EYS: variants seen among roughly 807,000 people sequenced by gnomAD.
The protein encoded by EYS is protein eyes shut homolog.
EYS carries 250 observed loss-of-function variants against 282.1 expected under a neutral mutation model. The ratio of observed to expected loss-of-function variants is 0.89; its 90% CI spans 0.80 to 0.98. EYS has a LOEUF of 0.98. Ranked by LOEUF, EYS falls within the 50% of genes least tolerant of loss-of-function variation. The pLI is 0.00. For synonymous variants in EYS, 1,355 were observed against 1,282.9 expected, an observed-to-expected ratio of 1.06 and a Z score of -1.20; for missense variants, 4,016 against 3,709.0, an observed-to-expected ratio of 1.08 and a Z score of -2.15.
At chr6:64,917,858 C>A (rs1246769122) in intron 15 of EYS, among the ~76,000 whole-genome samples, 1 of 151,946 alleles carries the variant, frequency 6.6e-6, no homozygotes, top group African/African-American at 2.4e-5. Flanking sequence ...TTCCTGCAAT[C>A]ATTACATATT....
chr6:65,350,334 C>T (rs148579666), intron 9 of EYS, among the ~76,000 whole-genome samples: 8 of 151,312 alleles, frequency 5.3e-5, no homozygotes, highest in South Asian at 2.1e-4. Context: ...TAAGAAGTAA[C>T]GTATAATGCA....
chr6:64,952,809 A>G (rs1769558753), intron 14 of EYS, among the ~76,000 whole-genome samples: 3 of 152,014 alleles, frequency 2.0e-5, no homozygotes, highest in Admixed American at 6.6e-5. Flanking sequence ...TCTTAATTAT[A>G]TTATTGCGTA....
At chr6:64,252,783 G>A (rs750899079) in intron 30 of EYS, among the ~76,000 whole-genome samples, 15 of 152,256 alleles carry the variant, frequency 9.9e-5, no homozygotes, top group Non-Finnish European at 1.6e-4. Context: ...TAGACAAGTC[G>A]TATATATTTA....
chr6:65,265,026 A>G (rs1011225203), intron 12 of EYS, among the ~76,000 whole-genome samples: 4 of 152,044 alleles, frequency 2.6e-5, no homozygotes, highest in Admixed American at 2.0e-4. Context: ...ATTTTAAAAC[A>G]TAAGTAGCCT....
Position 65,142,983 on chromosome 6 carries a change from C to T in EYS, c.2024-85256G>A, listed in dbSNP as rs183991340. On this transcript the variant is annotated intron_variant, in intron 12 of 42. Coordinates refer to ENST00000503581, the MANE Select transcript of EYS (RefSeq NM_001142800.2). Reference sequence around the variant, plus strand: ...AACTACTTTTGAAATATATGTGACACCTTCTTCCAACATTTAACATACACC... The same window carrying T: ...AACTACTTTTGAAATATATGTGACATCTTCTTCCAACATTTAACATACACC... Among the ~76,000 whole-genome samples the T allele has an allele frequency of 1.5e-3, 227 of 152,070 alleles. 1 individual carries two copies. Among genetic ancestry groups the T allele is most frequent in the African/African-American group, 5.1e-3 (213 of 41,526 alleles).
In EYS at chr6:64,390,686, C is replaced by CA. The variant is rs1233836959; in HGVS notation, c.5928-1847dup. 1.6e-4 allele frequency among the ~76,000 whole-genome samples: 24 copies of CA among 150,826 alleles called. No homozygotes were observed. In the East Asian group the frequency reaches 3.7e-3, roughly 23 times the overall value. ...ACAAAGATGGGGAAAAAACAGAACA[C>CA]AAAAACTGGAAACTCTAAAAAGCAG... is the stretch of plus-strand genomic sequence containing the variant. On this transcript the variant is annotated intron_variant, in intron 28 of 42. Transcript: ENST00000503581.
chr6:64,008,828 G>C (rs966893816), intron 33 of EYS, among the ~76,000 whole-genome samples: 1 of 152,192 alleles, frequency 6.6e-6, no homozygotes, highest in African/African-American at 2.4e-5. Context: ...TCTGCTGAAA[G>C]GTCTGCTGTT....
chr6:65,398,001 T>G (rs1474207518), intron 7 of EYS, among the ~76,000 whole-genome samples: 2 of 152,098 alleles, frequency 1.3e-5, no homozygotes, highest in African/African-American at 4.8e-5. Context: ...ATTTATCTGA[T>G]GATTAAAGAT....
chr6:64,129,364 C>G (rs1344989290), intron 31 of EYS, among the ~76,000 whole-genome samples: 1 of 152,198 alleles, frequency 6.6e-6, no homozygotes, highest in African/African-American at 2.4e-5. Context: ...TTGCATTTCT[C>G]TGATGGCCAG....
intron 13 of EYS, among the ~76,000 whole-genome samples, chr6:65,033,799 A>G (rs897254870): frequency 3.3e-5 from 5 of 152,112 alleles, no homozygotes; most frequent in African/African-American, 1.2e-4. Flanking sequence ...CAGAGTCCCA[A>G]ATTGGGCATT....
At chr6:65,696,048 A>C (rs1242707191) in intron 1 of EYS, among the ~76,000 whole-genome samples, 5 of 151,986 alleles carry the variant, frequency 3.3e-5, no homozygotes. Flanking sequence ...AATATATAAA[A>C]GGTAATATAA....
chr6:63,768,806 G>A (rs1769860932), intron 40 of EYS, among the ~76,000 whole-genome samples: 1 of 152,030 alleles, frequency 6.6e-6, no homozygotes. Context: ...CAATAGCAAA[G>A]ACATGGAATC....
At chr6:64,194,288 C>A (rs9353596) in intron 31 of EYS, among the ~76,000 whole-genome samples, 1 of 73,052 alleles carries the variant, frequency 1.4e-5, no homozygotes, top group East Asian at 7.9e-4. Flanking sequence ...TAATTATTAC[C>A]TTTTAATTTA....
intron 30 of EYS, among the ~76,000 whole-genome samples, chr6:64,264,279 A>C (rs991264869): frequency 5.9e-5 from 9 of 152,110 alleles, no homozygotes; most frequent in African/African-American, 2.4e-5. Flanking sequence ...GCAGGTTGCT[A>C]ATCTGGACTA....
In EYS at chr6:63,953,541, C is replaced by A. The variant is rs376748050; in HGVS notation, c.7055+30842G>T. ...TCATGTCTGGCTAAACTCCAAAACC[C>A]CAACCCTTTCTACAAAACAACAACT... is the stretch of plus-strand genomic sequence containing the variant. On this transcript the variant is annotated intron_variant, in intron 35 of 42. Transcript: ENST00000503581. Among the ~76,000 whole-genome samples the A allele has an allele frequency of 7.9e-5, 12 of 152,286 alleles. No homozygotes were observed. The East Asian group carries it at 9.7e-4, about 12-fold the overall frequency.
intron 35 of EYS, among the ~76,000 whole-genome samples, chr6:63,967,943 G>A (rs1226909097): frequency 1.3e-5 from 2 of 152,020 alleles, no homozygotes; most frequent in African/African-American, 4.8e-5. Flanking sequence ...GCCTCAAATC[G>A]CATAGCTTTT....
intron 14 of EYS, among the ~76,000 whole-genome samples, chr6:64,962,078 T>C (rs1366066616): frequency 6.6e-6 from 1 of 152,168 alleles, no homozygotes; most frequent in Non-Finnish European, 1.5e-5. Flanking sequence ...TATGATATTC[T>C]GTTCTTTGTC....
chr6:65,177,314 T>C (rs1431551868), intron 12 of EYS, among the ~76,000 whole-genome samples: 2 of 151,862 alleles, frequency 1.3e-5, no homozygotes, highest in Non-Finnish European at 2.9e-5. Context: ...TTTGCGATTA[T>C]TCATCCATTT....
intron 33 of EYS, among the ~76,000 whole-genome samples, chr6:64,027,867 G>C (rs1769610452): frequency 1.3e-5 from 2 of 152,130 alleles, no homozygotes; most frequent in East Asian, 1.9e-4. Context: ...TGAGCCCCGG[G>C]TATGTTTAAC....
Sources: gnomAD v4.1 joint callset for allele counts (sites outside exome capture counted in the v4.1 genomes callset) on GRCh38, gnomAD v4.1.1 for gene constraint, MANE v1.5 for transcripts, NCBI Gene and HGNC (gene_info 2026-07-23, HGNC 2026-07-21) for gene names.